Variants in DDIT4L observed in about 807,000 individuals in gnomAD.
DDIT4L encodes the protein DNA damage-inducible transcript 4-like protein.
Under a neutral mutation model 15.9 loss-of-function variants are expected in DDIT4L, and 13 were observed. The ratio of observed to expected loss-of-function variants is 0.82; its 90% CI spans 0.53 to 1.30. The LOEUF (loss-of-function observed/expected upper bound fraction) is 1.30. Ranked by LOEUF, DDIT4L falls within the 50% of genes most tolerant of loss-of-function variation. DDIT4L has a pLI of 0.00. For synonymous variants in DDIT4L, 82 were observed against 85.4 expected, an observed-to-expected ratio of 0.96 and a Z score of 0.22; for missense variants, 235 against 224.8, an observed-to-expected ratio of 1.05 and a Z score of -0.29.
At position 100,187,296 on chromosome 4, in the gene DDIT4L, C is replaced by G. The variant is rs17029777; in HGVS notation, c.*381G>C. On this transcript the variant is annotated 3_prime_UTR_variant, in exon 3 of 3. Coordinates refer to ENST00000273990, the MANE Select transcript of DDIT4L (RefSeq NM_145244.4). ...ATTTAAAAAATCCTCTGAAAACTTACAGAAAAAAAAGCCATATGAAAATCA... is the reference window on the plus strand; with the variant it reads ...ATTTAAAAAATCCTCTGAAAACTTAGAGAAAAAAAAGCCATATGAAAATCA... 47,831 of 154,656 alleles carry G rather than the reference C, an allele frequency of 0.31. 7,671 individuals carry two copies. The highest frequency in any genetic ancestry group is 0.39 in the African/African-American group (16,048 of 41,502). The allele number at this position is 154,656 out of a possible 1,614,324, so 9.6% of individuals were successfully genotyped here.
rs1723490307 is a variant in DDIT4L, at chr4:100,190,049, G to C, written c.-49-17C>G. On this transcript the variant is annotated splice_polypyrimidine_tract_variant and intron_variant, in intron 1 of 2. Coordinates refer to ENST00000273990, the MANE Select transcript of DDIT4L (RefSeq NM_145244.4). ...TCCTGAGCGCTGGAAAAAATGAGGC[G>C]AGAAGAGACGGATTTGCAAAAGCAG... The C allele has an allele frequency of 1.1e-5, 17 of 1,487,494 alleles. No individual in the cohort carries two copies. Among genetic ancestry groups the C allele is most frequent in the Non-Finnish European group, 1.5e-5 (16 of 1,069,198 alleles). The allele number at this position is 1,487,494 out of a possible 1,614,324, so 92.1% of individuals were successfully genotyped here.
intron 2 of DDIT4L, 91 bp from the exon 3 acceptor site, chr4:100,188,258 T>C (rs1723457088): frequency 7.6e-7 from 1 of 1,314,166 alleles, no homozygotes; most frequent in South Asian, 1.4e-5. Flanking sequence ...GTTACCTCTA[T>C]CTACCATGTC....
Position 100,189,841 on chromosome 4 carries a change from C to A in DDIT4L, c.91+52G>T. On this transcript the variant is annotated intron_variant, in intron 2 of 2. Transcript: ENST00000273990. ...TCGAAAGCCCGCCCACCCAATAGAT[C>A]CAGAGGCACCGACCTTGGGAGGGGA... 2.5e-6 allele frequency: 4 copies of A among 1,578,646 alleles called. No homozygotes were observed. In the South Asian group the frequency reaches 3.3e-5, roughly 13 times the overall value.
In DDIT4L at chr4:100,186,507, C is replaced by A. The variant is rs3819182; in HGVS notation, c.*1170G>T. 0.41 allele frequency: 62,298 copies of A among 151,984 alleles called. 13,057 individuals carry two copies. The highest frequency in any genetic ancestry group is 0.49 in the African/African-American group (20,153 of 41,440). The allele number at this position is 151,984 out of a possible 1,614,324, so 9.4% of individuals were successfully genotyped here. A position where few individuals can be genotyped will look rare whatever the true frequency, so the allele number is the denominator to read the frequency against. On this transcript the variant is annotated 3_prime_UTR_variant, in exon 3 of 3. Coordinates refer to ENST00000273990, the MANE Select transcript of DDIT4L (RefSeq NM_145244.4). ...ACTTAGTTGGAATAAGACAAAAAAT[C>A]AGGCCTTTATTATTCCCTAGTGACA...
At chr4:100,188,833 A>T (rs757942857) in intron 2 of DDIT4L, among the ~76,000 whole-genome samples, 17 of 152,366 alleles carry the variant, frequency 1.1e-4, no homozygotes, top group Non-Finnish European at 1.9e-4. Flanking sequence ...TTTGAGGTTC[A>T]TGAGGATATT....
At chr4:100,189,180 C>T (rs537294136) in intron 2 of DDIT4L, among the ~76,000 whole-genome samples, 1 of 152,224 alleles carries the variant, frequency 6.6e-6, no homozygotes, top group Admixed American at 6.5e-5. Context: ...AGCAGTTTAT[C>T]TATGCTCTTA....
intron 2 of DDIT4L, among the ~76,000 whole-genome samples, chr4:100,188,670 A>C (rs999994717): frequency 9.9e-5 from 15 of 152,104 alleles, no homozygotes; most frequent in African/African-American, 3.6e-4. Context: ...TAAAATAAAG[A>C]ATTTTTACTA....
chr4:100,189,829 C>T (rs1723484568), intron 2 of DDIT4L, 64 bp downstream of exon 2: 1 of 1,517,552 alleles, frequency 6.6e-7, no homozygotes. Context: ...AAAGCCCGCC[C>T]ACCCAATAGA....
rs1011156650 is a variant in DDIT4L at position 100,187,228 on chromosome 4, T to G, written c.*449A>C. On this transcript the variant is annotated 3_prime_UTR_variant, in exon 3 of 3. Transcript: ENST00000273990. ...GTCAGGAACTGGTGGTGTGGGCTTTTGGAAGTTTTGATAGGCTAAATATCA... is the reference window on the plus strand; with the variant it reads ...GTCAGGAACTGGTGGTGTGGGCTTTGGGAAGTTTTGATAGGCTAAATATCA... 4 of 152,648 alleles carry G rather than the reference T, an allele frequency of 2.6e-5. No individual in the cohort carries two copies. Among genetic ancestry groups the G allele is most frequent in the African/African-American group, 9.6e-5 (4 of 41,458 alleles). 9.5% of individuals were successfully genotyped at this position (152,648 alleles called of 1,614,324 possible).
chr4:100,188,227 A>C, intron 2 of DDIT4L, 60 bp from the exon 3 acceptor site: 3 of 1,525,532 alleles, frequency 2.0e-6, no homozygotes, highest in Non-Finnish European at 2.6e-6. Flanking sequence ...GTAGAAAAAA[A>C]ACACCAAGAT....
rs910498389 is a variant in DDIT4L, at chr4:100,189,901, A to G, written c.83T>C (p.Leu28Pro). 4 of 1,613,918 alleles carry G rather than the reference A, an allele frequency of 2.5e-6. No homozygotes were observed. Among genetic ancestry groups the G allele is most frequent in the Non-Finnish European group, 3.4e-6 (4 of 1,179,968 alleles). The change falls in exon 2 of 3, where the codon CTG (leucine) becomes CCG (proline). Residue 28 changes from leucine to proline, a missense_variant. Transcript: ENST00000273990. ...LLDCGYHPES[L>P]LSDFDYWDYV... ...ACAGCGGGGACACTCACCACTTAGC[A>G]GGCTCTCTGGGTGATAGCCACAGTC...
At chr4:100,188,194 G>A (rs1466166761) in intron 2 of DDIT4L, 27 bp from the exon 3 acceptor site, 1 of 1,566,706 alleles carries the variant, frequency 6.4e-7, no homozygotes. Context: ...TTTCTTTTTA[G>A]ATACAGAAGA....
chr4:100,188,593 A>G (rs2110148818), intron 2 of DDIT4L, among the ~76,000 whole-genome samples: 1 of 152,294 alleles, frequency 6.6e-6, no homozygotes, highest in South Asian at 2.1e-4. Flanking sequence ...TTCTGGAATA[A>G]AAAGTTATAA....
rs1723419156 is a variant in DDIT4L, at chr4:100,186,293, A to G, written c.*1384T>C. The G allele has an allele frequency of 6.6e-6, 1 of 152,224 alleles. No individual in the cohort carries two copies. Among genetic ancestry groups the G allele is most frequent in the Admixed American group, 6.5e-5 (1 of 15,286 alleles). 9.4% of individuals were successfully genotyped at this position (152,224 alleles called of 1,614,324 possible). On this transcript the variant is annotated 3_prime_UTR_variant, in exon 3 of 3. Transcript: ENST00000273990. ...ATCACACCTGTTTTTCAGTAACACC[A>G]GGATGAATACATCTGTCCCTACGCC...
At position 100,190,017 on chromosome 4, in the gene DDIT4L, C is replaced by G; in HGVS notation, c.-34G>C. On this transcript the variant is annotated 5_prime_UTR_variant, in exon 2 of 3. Coordinates refer to ENST00000273990, the MANE Select transcript of DDIT4L (RefSeq NM_145244.4). ...GCTCTGTTTCCTTCGCGAGGCGCAA[C>G]GGCCTTTCCTGAGCGCTGGAAAAAA... 1 of 1,600,672 alleles carries G rather than the reference C, an allele frequency of 6.2e-7. No individual in the cohort carries two copies. The highest frequency in any genetic ancestry group is 1.3e-5 in the African/African-American group (1 of 74,770).
Position 100,190,315 on chromosome 4 carries a change from C to A in DDIT4L, c.-62G>T. 3.2e-6 allele frequency: 1 copy of A among 316,584 alleles called. No homozygotes were observed. The highest frequency in any genetic ancestry group is 3.6e-5 in the South Asian group (1 of 27,632). The allele number at this position is 316,584 out of a possible 1,614,324, so 19.6% of individuals were successfully genotyped here. ...CAGCTTCGCTCACCTGCCAGGAGTT[C>A]GCGGGGGCCTGCGCGCTCGCTGCCG... On this transcript the variant is annotated 5_prime_UTR_variant, in exon 1 of 3. Coordinates refer to ENST00000273990, the MANE Select transcript of DDIT4L (RefSeq NM_145244.4).
intron 2 of DDIT4L, among the ~76,000 whole-genome samples, chr4:100,189,385 T>A (rs1723476991): frequency 6.6e-6 from 1 of 152,024 alleles, no homozygotes; most frequent in South Asian, 2.1e-4. Flanking sequence ...GCAACGGACA[T>A]AAAAGAATCT....
At chr4:100,189,822 G>A in intron 2 of DDIT4L, 71 bp downstream of exon 2, 1 of 1,472,492 alleles carries the variant, frequency 6.8e-7, no homozygotes, top group Non-Finnish European at 9.4e-7. Flanking sequence ...GAAGTCGAAA[G>A]CCCGCCCACC....
chr4:100,190,082 G>T, intron 1 of DDIT4L, 50 bp from the exon 2 acceptor site: 3 of 1,154,706 alleles, frequency 2.6e-6, no homozygotes, highest in African/African-American at 3.0e-5. Flanking sequence ...CAGGCGAGTC[G>T]TGCAGAGGCT....
Sources: allele counts gnomAD v4.1 joint callset (sites outside exome capture counted in the v4.1 genomes callset), GRCh38; gene constraint gnomAD v4.1.1; transcripts MANE v1.5; gene names NCBI Gene and HGNC (gene_info 2026-07-23, HGNC 2026-07-21).